The following MCM9 variants were observed in gnomAD, a reference collection of about 807,000 sequenced individuals.
MCM9 encodes minichromosome maintenance 9 homologous recombination repair factor, also known as DNA helicase MCM9.
A neutral mutation model predicts 72.8 loss-of-function variants in MCM9; 55 were observed. That is an observed-to-expected ratio of 0.76 (90% CI 0.61 to 0.95). The LOEUF (loss-of-function observed/expected upper bound fraction) is 0.95. Among genes scored for constraint, MCM9 ranks in the 40% least tolerant of loss-of-function variants. The probability of loss-of-function intolerance (pLI) is 0.00; values close to 1 mark genes in which losing one functional copy is unlikely to be tolerated. For synonymous variants in MCM9, 480 were observed against 503.4 expected, an observed-to-expected ratio of 0.95 and a Z score of 0.62; for missense variants, 1,279 against 1,377.0, an observed-to-expected ratio of 0.93 and a Z score of 1.13.
intron 4 of MCM9, among the ~76,000 whole-genome samples, chr6:118,923,482 A>G (rs2114377454): frequency 6.6e-6 from 1 of 152,232 alleles, no homozygotes; most frequent in South Asian, 2.1e-4. Context: ...GCATTAATTA[A>G]TCTTCTATCC....
intron 8 of MCM9, among the ~76,000 whole-genome samples, chr6:118,872,540 A>C (rs1424668247): frequency 6.6e-6 from 1 of 152,128 alleles, no homozygotes; most frequent in Non-Finnish European, 1.5e-5. Context: ...TGAGGCCAGG[A>C]GTTCAAGGCT....
chr6:118,829,357 C>T, intron 9 of MCM9, 107 bp from the exon 10 acceptor site: 1 of 1,010,322 alleles, frequency 9.9e-7, no homozygotes, highest in South Asian at 1.9e-5. Flanking sequence ...AATCTACGAA[C>T]TCCTATGAAA....
At chr6:118,890,571 G>A (rs1037087437) in intron 8 of MCM9, among the ~76,000 whole-genome samples, 3 of 152,036 alleles carry the variant, frequency 2.0e-5, no homozygotes, top group Admixed American at 2.0e-4. Flanking sequence ...GTCTTTGTAT[G>A]TCTTATCTTT....
At chr6:118,926,302 T>C (rs910949487) in intron 3 of MCM9, among the ~76,000 whole-genome samples, 2 of 152,194 alleles carry the variant, frequency 1.3e-5, no homozygotes, top group Non-Finnish European at 1.5e-5. Flanking sequence ...TAGCCTACCT[T>C]GAACATACTC....
intron 3 of MCM9, among the ~76,000 whole-genome samples, chr6:118,928,605 T>C (rs1428952942): frequency 1.3e-5 from 2 of 150,834 alleles, no homozygotes; most frequent in Non-Finnish European, 2.9e-5. Flanking sequence ...CCCAGTACTT[T>C]GGGAGGCTGA....
At chr6:118,823,782 AG>A (rs1773974384) in intron 13 of MCM9, among the ~76,000 whole-genome samples, 1 of 152,108 alleles carries the variant, frequency 6.6e-6, no homozygotes, top group Admixed American at 6.6e-5. Flanking sequence ...GTATAATCAT[AG>A]AAAATATAAG....
At chr6:118,925,641 ACT>A (rs1375620559) in intron 3 of MCM9, among the ~76,000 whole-genome samples, 4 of 151,952 alleles carry the variant, frequency 2.6e-5, no homozygotes, top group Admixed American at 2.6e-4. Flanking sequence ...TGCCCCTATG[ACT>A]CTTTTTTCTA....
At chr6:118,927,039 CA>C (rs1781956129) in intron 3 of MCM9, among the ~76,000 whole-genome samples, 1 of 152,058 alleles carries the variant, frequency 6.6e-6, no homozygotes, top group African/African-American at 2.4e-5. Context: ...TTTGCTTTAA[CA>C]AAAATTCTTT....
chr6:118,856,888 C>T (rs1030184871), intron 8 of MCM9, among the ~76,000 whole-genome samples: 1 of 151,630 alleles, frequency 6.6e-6, no homozygotes, highest in African/African-American at 2.4e-5. Context: ...CTTAAAAAAA[C>T]AAAAAAGGCA....
intron 6 of MCM9, among the ~76,000 whole-genome samples, chr6:118,913,870 G>A (rs1006163260): frequency 3.3e-5 from 5 of 151,984 alleles, no homozygotes; most frequent in Admixed American, 6.5e-5. Flanking sequence ...CAAAGTGCTG[G>A]GATTACCACC....
At chr6:118,907,702 C>A in intron 8 of MCM9, 2 of 994,352 alleles carry the variant, frequency 2.0e-6, no homozygotes. Context: ...AGTCAAAACA[C>A]AATGTGAAGA....
At chr6:118,865,729 A>T (rs187565601) in intron 8 of MCM9, among the ~76,000 whole-genome samples, 1 of 152,316 alleles carries the variant, frequency 6.6e-6, no homozygotes, top group African/African-American at 2.4e-5. Flanking sequence ...CTACGTGAAA[A>T]AAGTCTGATT....
At chr6:118,870,513 C>A (rs758007207) in intron 8 of MCM9, among the ~76,000 whole-genome samples, 4 of 151,324 alleles carry the variant, frequency 2.6e-5, no homozygotes, top group Non-Finnish European at 5.9e-5. Context: ...AAGTTTATAA[C>A]AATACATGTC....
chr6:118,892,689 A>G (rs938602406), intron 8 of MCM9, among the ~76,000 whole-genome samples: 1 of 152,246 alleles, frequency 6.6e-6, no homozygotes, highest in Non-Finnish European at 1.5e-5. Flanking sequence ...ATCTGTGTCT[A>G]TCACCATGGT....
intron 8 of MCM9, chr6:118,894,391 ATTG>A: frequency 6.5e-7 from 1 of 1,536,326 alleles, no homozygotes; most frequent in Non-Finnish European, 8.7e-7. Context: ...CCCAGTTCCC[ATTG>A]TTTGTGTTTT....
intron 3 of MCM9, among the ~76,000 whole-genome samples, chr6:118,926,548 T>A (rs1370453887): frequency 6.6e-6 from 1 of 152,246 alleles, no homozygotes; most frequent in East Asian, 1.9e-4. Context: ...GTCTTTTGAA[T>A]CTGGCTTTAT....
intron 8 of MCM9, among the ~76,000 whole-genome samples, chr6:118,872,585 C>A (rs1202314552): frequency 6.6e-6 from 1 of 151,880 alleles, no homozygotes; most frequent in African/African-American, 2.4e-5. Context: ...AGGATAGCAA[C>A]TATACTCCAG....
rs532036448 is a variant in MCM9 at position 118,840,660 on chromosome 6, T to C, written c.1326-11410A>G. Among the ~76,000 whole-genome samples the C allele has an allele frequency of 6.4e-4, 98 of 152,068 alleles. No homozygotes were observed. In the South Asian group the frequency reaches 0.018, roughly 28 times the overall value. On this transcript the variant is annotated intron_variant, in intron 9 of 13. Transcript: ENST00000619706. Reference sequence around the variant, plus strand: ...CCAATAAAACTGCAAAATAAAACTATACTAATGGTATTCTCACAATCCATT... The same window carrying C: ...CCAATAAAACTGCAAAATAAAACTACACTAATGGTATTCTCACAATCCATT...
rs555812591 is a variant in MCM9 at position 118,821,615 on chromosome 6, C to T, written c.1961+4532G>A. On this transcript the variant is annotated intron_variant, in intron 13 of 13. Coordinates refer to ENST00000619706, the MANE Select transcript of MCM9 (RefSeq NM_017696.3). Reference sequence around the variant, plus strand: ...GTATATGTCTTGGAGTTGCCCTTCTCGAAGAGTATCTTAGTGGTGTTCTCT... The same window carrying T: ...GTATATGTCTTGGAGTTGCCCTTCTTGAAGAGTATCTTAGTGGTGTTCTCT... Among the ~76,000 whole-genome samples, 15 of 152,174 alleles carry T rather than the reference C, an allele frequency of 9.9e-5. No homozygotes were observed. In the South Asian group the frequency reaches 1.2e-3, roughly 13 times the overall value.
Sources: gnomAD v4.1 joint callset for allele counts (sites outside exome capture counted in the v4.1 genomes callset) on GRCh38, gnomAD v4.1.1 for gene constraint, MANE v1.5 for transcripts, NCBI Gene and HGNC (gene_info 2026-07-23, HGNC 2026-07-21) for gene names.